GET1: variants seen among roughly 807,000 people sequenced by gnomAD.
GET1 encodes the protein guided entry of tail-anchored proteins factor 1, also known as congenital heart disease 5 protein.
A neutral mutation model predicts 22.6 loss-of-function variants in GET1; 20 were observed. That is an observed-to-expected ratio of 0.89 (90% CI 0.62 to 1.29). GET1 has a LOEUF of 1.29. Among genes scored for constraint, GET1 ranks in the 50% most tolerant of loss-of-function variants. The probability of loss-of-function intolerance (pLI) is 0.00; values close to 1 mark genes in which losing one functional copy is unlikely to be tolerated. For missense variants in GET1, 209 were observed against 219.9 expected (o/e 0.95, Z 0.31); for synonymous variants, 92 against 83.8 (o/e 1.10, Z -0.53).
intron 1 of GET1, chr21:39,380,807 C>T (rs2037509657): frequency 1.9e-6 from 2 of 1,040,272 alleles, no homozygotes; most frequent in East Asian, 1.6e-4. Context: ...ATCCTGGTTC[C>T]TAGAGGCATT....
At chr21:39,407,585 G>A (rs1001549347), downstream of GET1, among the ~76,000 whole-genome samples, 9 of 152,188 alleles carry the variant, frequency 5.9e-5, no homozygotes, top group African/African-American at 2.2e-4. Context: ...TATGGCACGT[G>A]CAGTCTGTGG....
downstream of GET1, among the ~76,000 whole-genome samples, chr21:39,399,030 G>A (rs144395012): frequency 1.4e-4 from 21 of 152,346 alleles, no homozygotes; most frequent in Admixed American, 4.6e-4. Flanking sequence ...GCAAGCCACC[G>A]CGCCCGGCCT....
At chr21:39,401,532 T>C (rs1401677643), downstream of GET1, among the ~76,000 whole-genome samples, 1 of 152,248 alleles carries the variant, frequency 6.6e-6, no homozygotes, top group African/African-American at 2.4e-5. Flanking sequence ...AATTTTATCA[T>C]TTCCTATTCG....
chr21:39,403,733 TGCCTCA>T (rs1361110678), intron 4 of GET1, among the ~76,000 whole-genome samples: 1 of 151,268 alleles, frequency 6.6e-6, no homozygotes, highest in African/African-American at 2.4e-5. Flanking sequence ...GCAATTCTCC[TGCCTCA>T]GCCTCCTGTG....
At chr21:39,410,116 C>A, downstream of GET1, 1 of 1,528,132 alleles carries the variant, frequency 6.5e-7, no homozygotes, top group Non-Finnish European at 9.1e-7. Flanking sequence ...AGAAAAGCAG[C>A]AAAAACACAT....
chr21:39,415,258 A>G (rs2040926732), intron 1 of GET1, among the ~76,000 whole-genome samples: 1 of 152,224 alleles, frequency 6.6e-6, no homozygotes, highest in African/African-American at 2.4e-5. Context: ...AGGGACAAAA[A>G]GCATGTGTTG....
At chr21:39,417,982 T>A (rs530416720) in intron 1 of GET1, among the ~76,000 whole-genome samples, 1 of 152,126 alleles carries the variant, frequency 6.6e-6, no homozygotes, top group African/African-American at 2.4e-5. Flanking sequence ...TTGCCAGGAT[T>A]GTCTCCATCT....
intron 2 of GET1, chr21:39,391,492 A>T (rs540922210): frequency 2.6e-6 from 1 of 389,434 alleles, no homozygotes; most frequent in African/African-American, 2.1e-5. Flanking sequence ...TGGTAACTGT[A>T]TTATACAAAG....
At chr21:39,419,327 C>G (rs777887041) in intron 1 of GET1, among the ~76,000 whole-genome samples, 2 of 151,970 alleles carry the variant, frequency 1.3e-5, no homozygotes, top group Non-Finnish European at 2.9e-5. Context: ...GAGTTTGAGA[C>G]CAGCCTGGGC....
intron 1 of GET1, among the ~76,000 whole-genome samples, chr21:39,384,040 C>CTT (rs776755444): frequency 2.1e-5 from 3 of 142,250 alleles, no homozygotes; most frequent in Admixed American, 7.0e-5. Context: ...CACCCCCGGC[C>CTT]TTTTTTTTTT....
chr21:39,384,843 C>T (rs1171496566), intron 1 of GET1, among the ~76,000 whole-genome samples: 1 of 152,110 alleles, frequency 6.6e-6, no homozygotes, highest in African/African-American at 2.4e-5. Flanking sequence ...GCCTCTCTAA[C>T]CTCAACCCAG....
intron 1 of GET1, chr21:39,423,470 C>A: frequency 1.3e-6 from 2 of 1,564,764 alleles, no homozygotes; most frequent in Non-Finnish European, 1.7e-6. Context: ...TGCTTTTTTT[C>A]AACTGATATT....
At chr21:39,384,791 G>T (rs1220215996) in intron 1 of GET1, among the ~76,000 whole-genome samples, 1 of 152,154 alleles carries the variant, frequency 6.6e-6, no homozygotes, top group African/African-American at 2.4e-5. Flanking sequence ...CTGTGACTCA[G>T]GACCTGTGGC....
intron 1 of GET1, chr21:39,422,400 T>A (rs1671663189): frequency 6.6e-6 from 1 of 152,478 alleles, no homozygotes; most frequent in Non-Finnish European, 1.5e-5. Context: ...TTGAGGAAAA[T>A]CAATCCAGTC....
intron 1 of GET1, among the ~76,000 whole-genome samples, chr21:39,382,032 C>T (rs1045178581): frequency 4.0e-5 from 6 of 151,612 alleles, no homozygotes; most frequent in South Asian, 2.1e-4. Context: ...AACCACTGCA[C>T]GTGGCCCCGC....
chr21:39,386,516 G>A (rs2037915530), intron 1 of GET1: 1 of 152,362 alleles, frequency 6.6e-6, no homozygotes, highest in Admixed American at 6.5e-5. Flanking sequence ...TTGCCGGTAG[G>A]GTTCCTGGCC....
At chr21:39,411,122 G>A, downstream of GET1, 1 of 326,284 alleles carries the variant, frequency 3.1e-6, no homozygotes, top group Non-Finnish European at 6.0e-6. Flanking sequence ...ATACAAAAGG[G>A]TGCAGCTGTG....
At chr21:39,410,942 G>A (rs1175958457), downstream of GET1, 1 of 470,940 alleles carries the variant, frequency 2.1e-6, no homozygotes, top group Middle Eastern at 3.3e-4. Flanking sequence ...ACAGAGGTGA[G>A]TATTCCTATG....
intron 1 of GET1, among the ~76,000 whole-genome samples, chr21:39,384,678 A>G (rs985646056): frequency 6.6e-6 from 1 of 151,618 alleles, no homozygotes; most frequent in African/African-American, 2.4e-5. Flanking sequence ...CCCAGTTATT[A>G]AGTCTAGTAT....
Sources: gnomAD v4.1 joint callset for allele counts (sites outside exome capture counted in the v4.1 genomes callset) on GRCh38, gnomAD v4.1.1 for gene constraint, MANE v1.5 for transcripts, NCBI Gene and HGNC (gene_info 2026-07-23, HGNC 2026-07-21) for gene names.